The following ODAD1 variants were observed in gnomAD, a reference collection of about 807,000 sequenced individuals.
ODAD1 encodes outer dynein arm-docking complex subunit 1.
Under a neutral mutation model 67.2 loss-of-function variants are expected in ODAD1, and 49 were observed. The observed-to-expected ratio is 0.73, with a 90% CI of 0.58 to 0.92. The LOEUF is 0.92. ODAD1 is among the 40% of genes least tolerant of loss of function. The probability of loss-of-function intolerance (pLI) is 0.00; values close to 1 mark genes in which losing one functional copy is unlikely to be tolerated. For synonymous variants in ODAD1, 345 were observed against 393.7 expected (o/e 0.88, Z 1.46); for missense variants, 897 against 953.7 (o/e 0.94, Z 0.78).
intron 1 of ODAD1, 111 bp downstream of exon 1, chr19:48,321,567 C>T: frequency 2.8e-6 from 1 of 351,238 alleles, no homozygotes; most frequent in Non-Finnish European, 5.1e-6. Flanking sequence ...TTACGAGGGG[C>T]CCGGTGGAAG....
chr19:48,316,248 G>A (rs906928684), intron 5 of ODAD1, among the ~76,000 whole-genome samples: 1 of 152,054 alleles, frequency 6.6e-6, no homozygotes, highest in African/African-American at 2.4e-5. Context: ...GGGAGTGGTG[G>A]CACACACCTG....
chr19:48,314,245 C>A (rs559455729), intron 5 of ODAD1, among the ~76,000 whole-genome samples: 5 of 152,100 alleles, frequency 3.3e-5, no homozygotes, highest in African/African-American at 9.7e-5. Context: ...GCCAGCAAAC[C>A]GGCAGAAGCA....
At chr19:48,298,686 A>C (rs1200688739) in intron 12 of ODAD1, among the ~76,000 whole-genome samples, 1 of 152,050 alleles carries the variant, frequency 6.6e-6, no homozygotes, top group African/African-American at 2.4e-5. Flanking sequence ...AAATCTCAGC[A>C]ATTTTTTAAC....
At chr19:48,311,430 A>G (rs1445239121) in intron 7 of ODAD1, 123 bp downstream of exon 7, 1 of 622,892 alleles carries the variant, frequency 1.6e-6, no homozygotes, top group African/African-American at 1.8e-5. Context: ...GACTAAAGCA[A>G]GCCTACCGCT....
rs1968541655 is a variant in ODAD1 at position 48,304,039 on chromosome 19, T to G, written c.767A>C (p.His256Pro). ...EAQVLQRQIL[H>P]LEQLHHFLKL... ...GAGGAAGTGGTGCAGCTGCTCCAGG[T>G]GCAAGATCTGCCGCTGCAGGACCTG... Residue 256 changes from histidine to proline, a missense_variant, in exon 9 of 16, where the codon CAC becomes CCC. Transcript: ENST00000674294. 3 of 1,614,230 alleles carry G rather than the reference T, an allele frequency of 1.9e-6. No homozygotes were observed. Among genetic ancestry groups the G allele is most frequent in the Non-Finnish European group, 2.5e-6 (3 of 1,180,036 alleles).
rs1167461250 is a variant in ODAD1 at position 48,297,040 on chromosome 19, G to C, written c.2060C>G (p.Ser687Cys). ...AGTGCTGGAGGCAGGGCCGGTGCTG[G>C]AGACGTGGTCTCTGCTGGACCCGAG... ...GGLGSSRDHV[S>C]STGPASSTGP... Residue 687 changes from serine (S) to cysteine (C), a missense_variant, in exon 16 of 16, where the codon TCC becomes TGC. Ser to Cys is a moderately radical substitution (Grantham distance 112). Coordinates refer to ENST00000674294, the MANE Select transcript of ODAD1 (RefSeq NM_001364171.2). 1.2e-6 allele frequency: 2 copies of C among 1,612,514 alleles called. No individual in the cohort carries two copies. The highest frequency in any genetic ancestry group is 1.3e-5 in the African/African-American group (1 of 74,920).
At chr19:48,312,182 G>A in intron 5 of ODAD1, 66 bp from the exon 6 acceptor site, 1 of 1,286,562 alleles carries the variant, frequency 7.8e-7, no homozygotes, top group Non-Finnish European at 1.1e-6. Flanking sequence ...ATGGCCCAGG[G>A]AAAATGAGTC....
At chr19:48,314,380 G>A (rs1014376716) in intron 5 of ODAD1, among the ~76,000 whole-genome samples, 1 of 152,070 alleles carries the variant, frequency 6.6e-6, no homozygotes, top group Non-Finnish European at 1.5e-5. Context: ...TTTGTTATAC[G>A]AGCCACCCAA....
rs734498 is a variant in ODAD1 at position 48,303,094 on chromosome 19, G to T, written c.990C>A (p.Ile330=). Residue 330 remains isoleucine, a splice_region_variant and synonymous_variant, in exon 11 of 16, where the codon ATC becomes ATA. Coordinates refer to ENST00000674294, the MANE Select transcript of ODAD1 (RefSeq NM_001364171.2). The stretch of plus-strand genomic sequence containing the variant: ...TGAACTCAGCAAAGTTGCGCTCCTC[G>T]ACTGGGAGAGTTGGGCAAGGCGGGG... ...PDLLVQKYLE[I]EERNFAEFNF... The T allele has an allele frequency of 2.9e-5, 47 of 1,612,848 alleles. No individual in the cohort carries two copies. Among genetic ancestry groups the T allele is most frequent in the Non-Finnish European group, 3.6e-5 (43 of 1,179,076 alleles).
At position 48,297,418 on chromosome 19, in the gene ODAD1, TG is replaced by T. The variant is rs1968324446; in HGVS notation, c.1681del (p.Gln561ArgfsTer23). 6.2e-7 allele frequency: 1 copy of T among 1,605,072 alleles called. No individual in the cohort carries two copies. The highest frequency in any genetic ancestry group is 1.3e-5 in the African/African-American group (1 of 74,910). ...CAGGACGGTACTGGAGCCGGCCCTC[TG>T]GGTGCTGGCCAGGTCCACGCTCAGG... Reference protein sequence around the residue: ...GTLSVDLASTQRAGSSTVLVP... With the variant: ...GTLSVDLASTXRAGSSTVLVP... On this transcript the variant is annotated frameshift_variant, in exon 16 of 16. Transcript: ENST00000674294. LOFTEE classifies it low-confidence loss of function (END_TRUNC).
chr19:48,308,110 AG>A (rs1262261839), intron 7 of ODAD1, among the ~76,000 whole-genome samples: 1 of 152,208 alleles, frequency 6.6e-6, no homozygotes, highest in Non-Finnish European at 1.5e-5. Flanking sequence ...CTATAAAGTC[AG>A]AATACACTAA....
chr19:48,312,400 GTTTTTTTTTTTGTTTTTTTTTTT>G (rs1968786247), intron 5 of ODAD1, among the ~76,000 whole-genome samples: 1 of 120,814 alleles, frequency 8.3e-6, no homozygotes, highest in Admixed American at 9.4e-5. Flanking sequence ...ACTCCTTTCC[GTTTTTTTTTTTGTTTTTTTTTTT>G]TTTTTTTTTG....
chr19:48,297,243 G>T lies in ODAD1; in HGVS notation c.1857C>A (p.Asn619Lys), dbSNP rs768637103. 24 of 1,614,128 alleles carry T rather than the reference G, an allele frequency of 1.5e-5. No individual in the cohort carries two copies. In the South Asian group the frequency reaches 1.9e-4, roughly 13 times the overall value. Residue 619 changes from asparagine to lysine, a missense_variant, in exon 16 of 16, where the codon AAC (asparagine) becomes AAA (lysine). Asn to Lys is a moderately conservative substitution (Grantham distance 94). Transcript: ENST00000674294. ...LPSHITHGDP[N>K]TGHVTFGSTS... Reference sequence around the variant, plus strand: ...TGGAGCCGAAGGTCACGTGGCCAGTGTTGGGGTCACCGTGCGTGATGTGGC... The same window carrying T: ...TGGAGCCGAAGGTCACGTGGCCAGTTTTGGGGTCACCGTGCGTGATGTGGC...
At chr19:48,314,971 C>G (rs1192334087) in intron 5 of ODAD1, among the ~76,000 whole-genome samples, 1 of 151,788 alleles carries the variant, frequency 6.6e-6, no homozygotes, top group African/African-American at 2.4e-5. Flanking sequence ...AAGAAATGTC[C>G]AAAATGTTGA....
intron 3 of ODAD1, chr19:48,319,652 C>A (rs776506223): frequency 1.3e-5 from 2 of 154,182 alleles, no homozygotes; most frequent in Non-Finnish European, 2.9e-5. Flanking sequence ...CTCAGCCTCC[C>A]GAGTAGCTGG....
Position 48,318,583 on chromosome 19 carries a change from A to C in ODAD1, c.171-7T>G. The stretch of plus-strand genomic sequence containing the variant: ...CAAGCGCCGGATCTCCTCACTACCC[A>C]GGCAGGGAGGTGGAAGAGGGGCCAG... On this transcript the variant is annotated splice_polypyrimidine_tract_variant and splice_region_variant and intron_variant, in intron 4 of 15. Coordinates refer to ENST00000674294, the MANE Select transcript of ODAD1 (RefSeq NM_001364171.2). 6 of 1,549,550 alleles carry C rather than the reference A, an allele frequency of 3.9e-6. No homozygotes were observed. Among genetic ancestry groups the C allele is most frequent in the Non-Finnish European group, 5.2e-6 (6 of 1,145,434 alleles).
chr19:48,318,325 CT>C, intron 5 of ODAD1, 61 bp downstream of exon 5: 1 of 1,414,806 alleles, frequency 7.1e-7, no homozygotes, highest in Non-Finnish European at 9.7e-7. Context: ...GAAGCTAAGG[CT>C]CAGGGAGGTT....
intron 5 of ODAD1, among the ~76,000 whole-genome samples, chr19:48,317,975 A>G (rs1017143192): frequency 5.9e-5 from 9 of 151,552 alleles, no homozygotes; most frequent in Non-Finnish European, 8.8e-5. Context: ...CGGGAAGCTG[A>G]GGCAGGAGAA....
Position 48,298,032 on chromosome 19 carries a change from C to G in ODAD1, c.1470G>C (p.Lys490Asn), listed in dbSNP as rs1379385397. The G allele has an allele frequency of 1.9e-6, 3 of 1,613,374 alleles. No individual in the cohort carries two copies. Among genetic ancestry groups the G allele is most frequent in the Non-Finnish European group, 2.5e-6 (3 of 1,179,864 alleles). ...VLGQSLEDLP[K>N]KMAPLQPPDT... ...CAGGGGGCTGAAGTGGGGCCATCTTCTTCGGAAGGTCCTCCAGGCTCTGGC... is the reference window on the plus strand; with the variant it reads ...CAGGGGGCTGAAGTGGGGCCATCTTGTTCGGAAGGTCCTCCAGGCTCTGGC... The change falls in exon 14 of 16, where the codon AAG becomes AAC. Residue 490 changes from lysine (K) to asparagine (N), a missense_variant. By Grantham distance (94) the Lys-to-Asn change is moderately conservative. Transcript: ENST00000674294.
Sources: gnomAD v4.1 joint callset for allele counts (sites outside exome capture counted in the v4.1 genomes callset) on GRCh38, gnomAD v4.1.1 for gene constraint, MANE v1.5 for transcripts, NCBI Gene and HGNC (gene_info 2026-07-23, HGNC 2026-07-21) for gene names.